The following STT3B variants were observed in gnomAD, a reference collection of about 807,000 sequenced individuals.
STT3B encodes STT3 oligosaccharyltransferase complex catalytic subunit B.
Under a neutral mutation model 96.8 loss-of-function variants are expected in STT3B, and 29 were observed. The observed-to-expected ratio is 0.30, with a 90% CI of 0.22 to 0.41. The LOEUF (loss-of-function observed/expected upper bound fraction) is 0.41. Ranked by LOEUF, STT3B falls within the 10% of genes least tolerant of loss-of-function variation. The pLI is 1.00. For missense variants in STT3B, 640 were observed against 1,022.3 expected (o/e 0.63, Z 5.10); for synonymous variants, 367 against 360.0 (o/e 1.02, Z -0.22).
At chr3:31,559,515 G>A (rs960578209) in intron 1 of STT3B, among the ~76,000 whole-genome samples, 2 of 151,728 alleles carry the variant, frequency 1.3e-5, no homozygotes, top group African/African-American at 4.8e-5. Context: ...AGTTTTCAAG[G>A]TTCCTCTTGT....
intron 3 of STT3B, among the ~76,000 whole-genome samples, chr3:31,594,997 T>G (rs939907840): frequency 6.6e-6 from 1 of 152,130 alleles, no homozygotes; most frequent in Admixed American, 6.5e-5. Context: ...CCAGACCCTG[T>G]CCTTGGGCCT....
At chr3:31,543,067 C>CAAAAAAAAAAA (rs10696158) in intron 1 of STT3B, among the ~76,000 whole-genome samples, 1 of 109,362 alleles carries the variant, frequency 9.1e-6, no homozygotes, top group African/African-American at 3.7e-5. Flanking sequence ...CTCCATCTCA[C>CAAAAAAAAAAA]AAAAAAAAAA....
chr3:31,600,683 T>C (rs947663417), intron 5 of STT3B, among the ~76,000 whole-genome samples: 3 of 152,072 alleles, frequency 2.0e-5, no homozygotes, highest in African/African-American at 7.2e-5. Context: ...GAAATTAGTC[T>C]GGGTTTAATA....
intron 1 of STT3B, among the ~76,000 whole-genome samples, chr3:31,554,737 A>G (rs1205460216): frequency 6.6e-6 from 1 of 152,150 alleles, no homozygotes; most frequent in Non-Finnish European, 1.5e-5. Context: ...GAGAATCCAT[A>G]TTTTCATCAG....
At chr3:31,627,182 C>A (rs577270271) in intron 13 of STT3B, among the ~76,000 whole-genome samples, 1 of 152,280 alleles carries the variant, frequency 6.6e-6, no homozygotes, top group African/African-American at 2.4e-5. Context: ...GGCCACATAG[C>A]AGGAGGTAAG....
chr3:31,561,998 G>C (rs907694456), intron 1 of STT3B, among the ~76,000 whole-genome samples: 11 of 152,270 alleles, frequency 7.2e-5, no homozygotes, highest in African/African-American at 2.4e-4. Flanking sequence ...GATACCAGGT[G>C]TAACAGTCTT....
chr3:31,537,308 G>C (rs1203276827), intron 1 of STT3B, among the ~76,000 whole-genome samples: 1 of 152,172 alleles, frequency 6.6e-6, no homozygotes, highest in Non-Finnish European at 1.5e-5. Context: ...ATGACAAAAA[G>C]AGGCTGTTGA....
intron 5 of STT3B, among the ~76,000 whole-genome samples, chr3:31,610,037 A>T (rs1295903302): frequency 6.6e-6 from 1 of 152,200 alleles, no homozygotes; most frequent in Non-Finnish European, 1.5e-5. Context: ...AATGATTTTT[A>T]TCATTATGTA....
At chr3:31,592,740 C>T (rs1420885046) in intron 3 of STT3B, among the ~76,000 whole-genome samples, 2 of 152,126 alleles carry the variant, frequency 1.3e-5, no homozygotes, top group Admixed American at 6.5e-5. Context: ...TACACCTTCT[C>T]CAGGGTATTC....
intron 3 of STT3B, among the ~76,000 whole-genome samples, chr3:31,589,082 C>T (rs1053615855): frequency 6.6e-6 from 1 of 152,046 alleles, no homozygotes; most frequent in Non-Finnish European, 1.5e-5. Context: ...GAATATCTCT[C>T]TGTTTATTTA....
chr3:31,613,444 GT>G (rs1051927179), intron 5 of STT3B, among the ~76,000 whole-genome samples: 3 of 152,196 alleles, frequency 2.0e-5, no homozygotes, highest in Non-Finnish European at 2.9e-5. Context: ...GTGCCTTTGT[GT>G]GTTCAGTGTT....
chr3:31,614,098 C>T (rs1435086595), intron 5 of STT3B, among the ~76,000 whole-genome samples: 1 of 151,936 alleles, frequency 6.6e-6, no homozygotes, highest in Non-Finnish European at 1.5e-5. Context: ...AATGAATATT[C>T]TTTCTCATCT....
intron 1 of STT3B, among the ~76,000 whole-genome samples, chr3:31,570,828 G>C (rs1387216806): frequency 6.6e-6 from 1 of 152,104 alleles, no homozygotes; most frequent in Non-Finnish European, 1.5e-5. Context: ...GAAAGGAGTA[G>C]GGGGATTCTG....
intron 1 of STT3B, among the ~76,000 whole-genome samples, chr3:31,547,709 C>T (rs951869769): frequency 6.6e-6 from 1 of 152,210 alleles, no homozygotes; most frequent in Non-Finnish European, 1.5e-5. Flanking sequence ...TGCCACAGAA[C>T]AATTCTGAAT....
At chr3:31,612,226 T>C (rs1699198432) in intron 5 of STT3B, among the ~76,000 whole-genome samples, 1 of 152,204 alleles carries the variant, frequency 6.6e-6, no homozygotes, top group Non-Finnish European at 1.5e-5. Flanking sequence ...GATATTCAAA[T>C]TGTGTCTATC....
At chr3:31,622,705 T>G (rs2125476012) in intron 10 of STT3B, among the ~76,000 whole-genome samples, 1 of 152,302 alleles carries the variant, frequency 6.6e-6, no homozygotes, top group South Asian at 2.1e-4. Context: ...CAGTGCATAC[T>G]TTCAAAATAT....
At chr3:31,573,132 G>C (rs1250714922) in intron 1 of STT3B, among the ~76,000 whole-genome samples, 7 of 152,086 alleles carry the variant, frequency 4.6e-5, no homozygotes, top group African/African-American at 7.2e-5. Flanking sequence ...GGTGAGCTTG[G>C]AGGACTGAAA....
chr3:31,617,171 CAA>C (rs1699323944), intron 7 of STT3B, 96 bp downstream of exon 7: 3 of 772,362 alleles, frequency 3.9e-6, no homozygotes, highest in Non-Finnish European at 5.5e-6. Flanking sequence ...AGCATGACTA[CAA>C]AGTGATTTTT....
chr3:31,569,416 T>G (rs1698084468), intron 1 of STT3B, among the ~76,000 whole-genome samples: 1 of 152,214 alleles, frequency 6.6e-6, no homozygotes, highest in African/African-American at 2.4e-5. Context: ...GGAGACGGTC[T>G]CTTTTTCCCT....
Sources: gnomAD v4.1 joint callset for allele counts (sites outside exome capture counted in the v4.1 genomes callset) on GRCh38, gnomAD v4.1.1 for gene constraint, MANE v1.5 for transcripts, NCBI Gene and HGNC (gene_info 2026-07-23, HGNC 2026-07-21) for gene names.